Variants in ATP8B1 observed in about 807,000 individuals in gnomAD.
ATP8B1 encodes the protein ATPase phospholipid transporting 8B1.
Under a neutral mutation model 149.9 loss-of-function variants are expected in ATP8B1, and 80 were observed. The ratio of observed to expected loss-of-function variants is 0.53; its 90% CI spans 0.45 to 0.64. The LOEUF is 0.64. ATP8B1 is among the 30% of genes least tolerant of loss of function. ATP8B1 has a pLI of 0.00. For synonymous variants in ATP8B1, 536 were observed against 562.8 expected, an observed-to-expected ratio of 0.95 and a Z score of 0.67; for missense variants, 1,247 against 1,552.6, an observed-to-expected ratio of 0.80 and a Z score of 3.31.
intron 1 of ATP8B1, among the ~76,000 whole-genome samples, chr18:57,767,902 T>A (rs2123359462): frequency 6.6e-6 from 1 of 152,198 alleles, no homozygotes; most frequent in African/African-American, 2.4e-5. Context: ...GGCATTTTGG[T>A]TTTACTGCCT....
chr18:57,761,015 CATAAAATAACATAAAATAAAATAA>C (rs1568059128), intron 1 of ATP8B1, among the ~76,000 whole-genome samples: 1 of 114,028 alleles, frequency 8.8e-6, no homozygotes, highest in African/African-American at 3.7e-5. Context: ...AATAAAATAA[CATAAAATAACATAAAATAAAATAA>C]ATAAAATAAA....
At chr18:57,753,316 T>C (rs1231367371) in intron 1 of ATP8B1, among the ~76,000 whole-genome samples, 4 of 152,184 alleles carry the variant, frequency 2.6e-5, no homozygotes, top group African/African-American at 9.6e-5. Context: ...GGAAATAATA[T>C]GGAAAGAGAG....
In ATP8B1 at chr18:57,701,341, T is replaced by G. The variant is rs36111511; in HGVS notation, c.394-28A>C. ...AAAAGAATAAAAGGGCTTATGTGTG[T>G]GTCCATGAAGGCATATCAAGCTTAC... On this transcript the variant is annotated intron_variant, in intron 4 of 27. Transcript: ENST00000648908. 51 of 1,591,112 alleles carry G rather than the reference T, an allele frequency of 3.2e-5. No homozygotes were observed. In the African/African-American group the frequency reaches 6.6e-4, roughly 21 times the overall value.
At chr18:57,671,215 C>T (rs1316370941) in intron 17 of ATP8B1, among the ~76,000 whole-genome samples, 1 of 152,198 alleles carries the variant, frequency 6.6e-6, no homozygotes, top group Non-Finnish European at 1.5e-5. Context: ...AGCCATTCCC[C>T]TGCCTCAGTC....
intron 2 of ATP8B1, among the ~76,000 whole-genome samples, chr18:57,725,284 A>G (rs1437014673): frequency 1.3e-5 from 2 of 151,726 alleles, no homozygotes; most frequent in African/African-American, 4.8e-5. Flanking sequence ...TCCCATTTAT[A>G]ATAGCTATGA....
chr18:57,676,717 CAAAAAAAAAA>C (rs58101846), intron 15 of ATP8B1, among the ~76,000 whole-genome samples: 2 of 92,206 alleles, frequency 2.2e-5, no homozygotes, highest in Admixed American at 1.4e-4. Flanking sequence ...GACTCCATTT[CAAAAAAAAAA>C]AAAAAAAAAA....
chr18:57,731,835 T>C lies in ATP8B1; in HGVS notation c.-25-3A>G. 3 of 1,613,658 alleles carry C rather than the reference T, an allele frequency of 1.9e-6. No homozygotes were observed. Among genetic ancestry groups the C allele is most frequent in the Non-Finnish European group, 2.5e-6 (3 of 1,179,668 alleles). On this transcript the variant is annotated splice_region_variant and splice_polypyrimidine_tract_variant and intron_variant, in intron 1 of 27. Coordinates refer to ENST00000648908, the MANE Select transcript of ATP8B1 (RefSeq NM_001374385.1). ...TGCTGGCAAATTGGAACTACCTGCTTAAAAGGAAAGAGAAACCAGAGTGAA... is the reference window on the plus strand; with the variant it reads ...TGCTGGCAAATTGGAACTACCTGCTCAAAAGGAAAGAGAAACCAGAGTGAA...
chr18:57,705,330 G>A (rs1913335698), intron 3 of ATP8B1, among the ~76,000 whole-genome samples: 1 of 152,202 alleles, frequency 6.6e-6, no homozygotes, highest in Non-Finnish European at 1.5e-5. Flanking sequence ...TGAGGAGACA[G>A]AGCCTACTAT....
chr18:57,698,638 T>A (rs1352692427), intron 6 of ATP8B1, among the ~76,000 whole-genome samples: 1 of 152,154 alleles, frequency 6.6e-6, no homozygotes, highest in Admixed American at 6.5e-5. Flanking sequence ...CCTGGCCGGT[T>A]AACTTCTTAA....
chr18:57,688,670 A>G (rs1912381986), intron 12 of ATP8B1, 163 bp from the exon 13 acceptor site: 1 of 728,630 alleles, frequency 1.4e-6, no homozygotes, highest in Non-Finnish European at 2.3e-6. Context: ...CCAATCCCCA[A>G]TTCAACAGTA....
chr18:57,707,111 C>A (rs957034992), intron 2 of ATP8B1, among the ~76,000 whole-genome samples: 3 of 152,160 alleles, frequency 2.0e-5, no homozygotes, highest in East Asian at 1.9e-4. Context: ...TCAAGACCAG[C>A]CTGGCCAAGG....
chr18:57,763,825 C>T (rs946731537), intron 1 of ATP8B1, among the ~76,000 whole-genome samples: 2 of 152,152 alleles, frequency 1.3e-5, no homozygotes, highest in Admixed American at 6.6e-5. Context: ...CTGAGTTCTT[C>T]CAGATTTTTG....
At chr18:57,791,596 G>A (rs779116364) in intron 1 of ATP8B1, among the ~76,000 whole-genome samples, 11 of 151,766 alleles carry the variant, frequency 7.2e-5, no homozygotes, top group Non-Finnish European at 1.5e-4. Flanking sequence ...CCCCAGCCTC[G>A]GCCTCCCAAA....
intron 2 of ATP8B1, among the ~76,000 whole-genome samples, chr18:57,710,123 C>T (rs953263530): frequency 3.3e-5 from 5 of 151,964 alleles, no homozygotes. Flanking sequence ...CAGGCATGCA[C>T]CACACTGTGC....
In ATP8B1 at chr18:57,685,135, A is replaced by G; in HGVS notation, c.1430-20T>C. The G allele has an allele frequency of 6.2e-7, 1 of 1,613,816 alleles. No individual in the cohort carries two copies. The highest frequency in any genetic ancestry group is 8.5e-7 in the Non-Finnish European group (1 of 1,179,744). On this transcript the variant is annotated intron_variant, in intron 13 of 27. Coordinates refer to ENST00000648908, the MANE Select transcript of ATP8B1 (RefSeq NM_001374385.1). ...GGTCCCCTGAGAAACAAACAGGACA[A>G]AACAAATTGATTCTACACCTATGTC...
chr18:57,782,321 C>T (rs117502806), intron 1 of ATP8B1, among the ~76,000 whole-genome samples: 2,916 of 152,346 alleles, frequency 0.019, 42 homozygotes, highest in Non-Finnish European at 0.029. Context: ...GCGTTGCAGA[C>T]GCCAATCCAG....
chr18:57,776,235 T>C (rs986177816), intron 1 of ATP8B1, among the ~76,000 whole-genome samples: 5 of 152,214 alleles, frequency 3.3e-5, no homozygotes, highest in Admixed American at 1.3e-4. Context: ...AAAACTAACA[T>C]TGGCATTCAG....
intron 15 of ATP8B1, among the ~76,000 whole-genome samples, chr18:57,680,398 C>G (rs1381018518): frequency 6.7e-6 from 1 of 149,786 alleles, no homozygotes; most frequent in Non-Finnish European, 1.5e-5. Context: ...CCAGCCTGAC[C>G]AACATGGAGA....
chr18:57,689,640 C>G (rs1250087087), intron 12 of ATP8B1, among the ~76,000 whole-genome samples: 1 of 152,144 alleles, frequency 6.6e-6, no homozygotes, highest in Non-Finnish European at 1.5e-5. Flanking sequence ...AGTCCTTTCT[C>G]TTAAGGAGGT....
Sources: gnomAD v4.1 joint callset for allele counts (sites outside exome capture counted in the v4.1 genomes callset) on GRCh38, gnomAD v4.1.1 for gene constraint, MANE v1.5 for transcripts, NCBI Gene and HGNC (gene_info 2026-07-23, HGNC 2026-07-21) for gene names.